The following CPM variants were observed in gnomAD, a reference collection of about 807,000 sequenced individuals.
CPM encodes the protein renal carboxypeptidase.
CPM carries 35 observed loss-of-function variants against 46.4 expected under a neutral mutation model. The observed-to-expected ratio is 0.75, with a 90% CI of 0.58 to 1.00. CPM has a LOEUF of 1.00. Among genes scored for constraint, CPM ranks in the 50% least tolerant of loss-of-function variants. The pLI is 0.00. For missense variants in CPM, 422 were observed against 530.4 expected, an observed-to-expected ratio of 0.80 and a Z score of 2.01; for synonymous variants, 195 against 195.3, an observed-to-expected ratio of 1.00 and a Z score of 0.01.
chr12:68,955,818 C>T (rs1374284971), intron 1 of CPM, among the ~76,000 whole-genome samples: 7 of 152,116 alleles, frequency 4.6e-5, no homozygotes, highest in Non-Finnish European at 8.8e-5. Flanking sequence ...GGGGTTTATA[C>T]AGGCTTTAGA....
chr12:68,866,951 G>T lies in CPM; in HGVS notation c.885C>A (p.Ser295=). ...ATGAGGCTTTGTTATTATTCCAAAA[G>T]GATGGAAGCTTCTCCTCACGAGGAT... ...CKYPREEKLP[S]FWNNNKASLI... The change falls in exon 7 of 9, where the codon TCC becomes TCA. Residue 295 remains serine, a synonymous_variant. Coordinates refer to ENST00000551568, the MANE Select transcript of CPM (RefSeq NM_198320.5). 1.2e-6 allele frequency: 2 copies of T among 1,614,142 alleles called. No individual in the cohort carries two copies. Among genetic ancestry groups the T allele is most frequent in the South Asian group, 1.1e-5 (1 of 91,078 alleles).
chr12:68,891,883 T>C (rs921970911), intron 2 of CPM, among the ~76,000 whole-genome samples: 3 of 152,154 alleles, frequency 2.0e-5, no homozygotes, highest in African/African-American at 7.2e-5. Context: ...ACTACAGATG[T>C]GTGCCACCAC....
intron 2 of CPM, among the ~76,000 whole-genome samples, chr12:68,910,698 C>T (rs1887558015): frequency 6.6e-6 from 1 of 152,026 alleles, no homozygotes. Flanking sequence ...TTTAACCATT[C>T]TAAGTGTACA....
At chr12:68,848,648 C>A (rs1337412416), downstream of CPM, 2 of 152,132 alleles carry the variant, frequency 1.3e-5, no homozygotes, top group African/African-American at 4.8e-5. Context: ...CCTTTTCTAC[C>A]TTTTCTCACA....
intron 7 of CPM, among the ~76,000 whole-genome samples, chr12:68,864,030 C>T (rs565915738): frequency 6.6e-6 from 1 of 152,104 alleles, no homozygotes; most frequent in Non-Finnish European, 1.5e-5. Context: ...ATTATTAAAC[C>T]ATGTTATGCA....
intron 2 of CPM, among the ~76,000 whole-genome samples, chr12:68,923,610 A>G (rs914342731): frequency 6.6e-6 from 1 of 152,250 alleles, no homozygotes; most frequent in Admixed American, 6.5e-5. Context: ...TAATTTCAAA[A>G]GATCAATATA....
chr12:68,959,598 T>C (rs559885932), intron 1 of CPM, among the ~76,000 whole-genome samples: 1 of 152,356 alleles, frequency 6.6e-6, no homozygotes, highest in African/African-American at 2.4e-5. Context: ...CATGGGGGCA[T>C]TGCCCAGTCA....
At chr12:68,917,014 C>G (rs1341595557) in intron 2 of CPM, among the ~76,000 whole-genome samples, 2 of 151,868 alleles carry the variant, frequency 1.3e-5, no homozygotes, top group Admixed American at 6.6e-5. Context: ...AAGCAAAAAC[C>G]CTTAGGATTA....
rs148977161 is a variant in CPM at position 68,866,551 on chromosome 12, C to T, written c.940+345G>A. ...TAGAGATGAGGTTTCGCCTTGTTGG[C>T]CAGGCTGGTCTCGAACTCCTGACCT... On this transcript the variant is annotated intron_variant, in intron 7 of 8. Coordinates refer to ENST00000551568, the MANE Select transcript of CPM (RefSeq NM_198320.5). Among the ~76,000 whole-genome samples the T allele has an allele frequency of 1.3e-3, 204 of 152,222 alleles. 1 individual carries two copies. Among genetic ancestry groups the T allele is most frequent in the African/African-American group, 4.5e-3 (189 of 41,542 alleles).
At chr12:68,858,471 T>C (rs541023162) in intron 8 of CPM, among the ~76,000 whole-genome samples, 9 of 152,294 alleles carry the variant, frequency 5.9e-5, no homozygotes, top group East Asian at 1.9e-4. Context: ...TTGCTGAATA[T>C]AGTGTTAAAA....
chr12:68,867,133 G>T, intron 6 of CPM, 85 bp from the exon 7 acceptor site: 1 of 1,313,922 alleles, frequency 7.6e-7, no homozygotes, highest in Non-Finnish European at 1.1e-6. Flanking sequence ...AAATGAATCA[G>T]ACAGCTACAT....
intron 3 of CPM, among the ~76,000 whole-genome samples, chr12:68,884,832 G>A (rs949854456): frequency 2.0e-5 from 3 of 152,198 alleles, no homozygotes; most frequent in Non-Finnish European, 4.4e-5. Flanking sequence ...GGCAAGAATG[G>A]CTGGGTAGGT....
chr12:68,927,849 A>G (rs1274302263), intron 2 of CPM, among the ~76,000 whole-genome samples: 2 of 152,186 alleles, frequency 1.3e-5, no homozygotes, highest in Non-Finnish European at 2.9e-5. Flanking sequence ...ACTACAAACC[A>G]CTGCTCAATG....
At chr12:68,916,057 A>G (rs2136299099) in intron 2 of CPM, among the ~76,000 whole-genome samples, 1 of 152,332 alleles carries the variant, frequency 6.6e-6, no homozygotes, top group East Asian at 1.9e-4. Flanking sequence ...AGAAAATGAG[A>G]CCAGGTTACG....
chr12:68,898,154 T>C (rs1446274311), intron 2 of CPM, among the ~76,000 whole-genome samples: 1 of 152,006 alleles, frequency 6.6e-6, no homozygotes, highest in East Asian at 1.9e-4. Flanking sequence ...GTGCCTGGCC[T>C]GGTGTTCTTA....
Position 68,867,000 on chromosome 12 carries a change from G to A in CPM, c.836C>T (p.Thr279Met), listed in dbSNP as rs763585354. Reference sequence around the variant, plus strand: ...ATATTTACAGCATGACAGCTCCAACGTAATTTCAAAACACTGGGCCCAGAT... The same window carrying A: ...ATATTTACAGCATGACAGCTCCAACATAATTTCAAAACACTGGGCCCAGAT... Reference protein sequence around the residue: ...NYIWAQCFEITLELSCCKYPR... With the variant: ...NYIWAQCFEIMLELSCCKYPR... Residue 279 changes from threonine (T) to methionine (M), a missense_variant, in exon 7 of 9, where the codon ACG becomes ATG. Physicochemically the swap from Thr to Met is moderately conservative, Grantham distance 81. Transcript: ENST00000551568. 6.2e-6 allele frequency: 10 copies of A among 1,613,974 alleles called. No individual in the cohort carries two copies. Among genetic ancestry groups the A allele is most frequent in the East Asian group, 4.5e-5 (2 of 44,886 alleles).
intron 7 of CPM, among the ~76,000 whole-genome samples, chr12:68,860,050 C>T (rs540959715): frequency 6.6e-5 from 10 of 152,222 alleles, no homozygotes; most frequent in African/African-American, 1.9e-4. Context: ...ACGAGGCACA[C>T]GTAACAGTTT....
At chr12:68,900,878 A>G (rs1592676451) in intron 2 of CPM, among the ~76,000 whole-genome samples, 1 of 152,186 alleles carries the variant, frequency 6.6e-6, no homozygotes, top group African/African-American at 2.4e-5. Flanking sequence ...GTGAGGAGGG[A>G]AGGATGAAAA....
chr12:68,886,776 C>T (rs1279769917), intron 2 of CPM, among the ~76,000 whole-genome samples: 1 of 152,182 alleles, frequency 6.6e-6, no homozygotes, highest in Non-Finnish European at 1.5e-5. Flanking sequence ...TGAGTCCTGT[C>T]AGGTGAACTG....
Sources: allele counts gnomAD v4.1 joint callset (sites outside exome capture counted in the v4.1 genomes callset), GRCh38; gene constraint gnomAD v4.1.1; transcripts MANE v1.5; gene names NCBI Gene and HGNC (gene_info 2026-07-23, HGNC 2026-07-21).